Variants in CNTN5 observed in about 807,000 individuals in gnomAD.
CNTN5 encodes the protein contactin-5.
CNTN5 carries 77 observed loss-of-function variants against 129.1 expected under a neutral mutation model. The ratio of observed to expected loss-of-function variants is 0.60; its 90% CI spans 0.50 to 0.72. The LOEUF (loss-of-function observed/expected upper bound fraction) is 0.72, where lower values mean the gene tolerates loss of function less well. CNTN5 is among the 30% of genes least tolerant of loss of function. The pLI is 0.00. For missense variants in CNTN5, 1,478 were observed against 1,328.8 expected, an observed-to-expected ratio of 1.11 and a Z score of -1.75; for synonymous variants, 509 against 465.6, an observed-to-expected ratio of 1.09 and a Z score of -1.20.
chr11:99,898,329 A>G (rs1446320726), intron 6 of CNTN5, among the ~76,000 whole-genome samples: 2 of 152,050 alleles, frequency 1.3e-5, no homozygotes, highest in Admixed American at 6.6e-5. Flanking sequence ...AGCCTAAGGA[A>G]AAAAAAGAGA....
At chr11:99,272,741 A>G (rs926961289) in intron 1 of CNTN5, among the ~76,000 whole-genome samples, 1 of 151,780 alleles carries the variant, frequency 6.6e-6, no homozygotes, top group African/African-American at 2.4e-5. Context: ...ACAAACATAC[A>G]CCATTCCAGT....
chr11:99,466,071 G>A (rs1239182625), intron 2 of CNTN5, among the ~76,000 whole-genome samples: 4 of 151,714 alleles, frequency 2.6e-5, no homozygotes, highest in Non-Finnish European at 4.4e-5. Flanking sequence ...TTTAGTAGAG[G>A]TGGGGTTTCA....
At chr11:100,342,466 G>A (rs537334491) in intron 23 of CNTN5, among the ~76,000 whole-genome samples, 13 of 152,206 alleles carry the variant, frequency 8.5e-5, no homozygotes, top group East Asian at 3.9e-4. Flanking sequence ...CCAGATAAAC[G>A]TGTATGGTCA....
chr11:99,313,632 A>G (rs1865210354), intron 1 of CNTN5, among the ~76,000 whole-genome samples: 1 of 152,094 alleles, frequency 6.6e-6, no homozygotes, highest in Admixed American at 6.6e-5. Flanking sequence ...TTTATCTCAA[A>G]GTGTACATTT....
chr11:99,791,087 C>G (rs912617166), intron 3 of CNTN5, among the ~76,000 whole-genome samples: 18 of 147,444 alleles, frequency 1.2e-4, no homozygotes, highest in African/African-American at 4.2e-4. Context: ...TTCTCCCATT[C>G]TCTGTGTTGT....
At chr11:99,205,490 G>C (rs1168062886) in intron 1 of CNTN5, among the ~76,000 whole-genome samples, 1 of 152,062 alleles carries the variant, frequency 6.6e-6, no homozygotes, top group East Asian at 1.9e-4. Context: ...TGTTTTACTG[G>C]ATCACCGTCT....
intron 2 of CNTN5, among the ~76,000 whole-genome samples, chr11:99,333,254 G>GA (rs1372072229): frequency 1.3e-5 from 2 of 151,892 alleles, no homozygotes; most frequent in African/African-American, 4.8e-5. Flanking sequence ...TTGAAAATGG[G>GA]AAAAAAAGAA....
At chr11:99,736,669 G>C (rs934411267) in intron 3 of CNTN5, among the ~76,000 whole-genome samples, 2 of 151,998 alleles carry the variant, frequency 1.3e-5, no homozygotes, top group East Asian at 3.9e-4. Context: ...CATAATTATC[G>C]AAGTGTGAAA....
At chr11:99,679,005 A>G (rs143794421) in intron 3 of CNTN5, among the ~76,000 whole-genome samples, 7,277 of 147,332 alleles carry the variant, frequency 0.049, 591 homozygotes, top group African/African-American at 0.17. Flanking sequence ...ATACATATTT[A>G]TTTATATATT....
At chr11:99,906,163 C>G (rs1209459404) in intron 6 of CNTN5, among the ~76,000 whole-genome samples, 1 of 152,114 alleles carries the variant, frequency 6.6e-6, no homozygotes. Context: ...CTAGAACTTC[C>G]AATATCATGT....
At chr11:100,146,216 A>G (rs750083140) in intron 13 of CNTN5, among the ~76,000 whole-genome samples, 30 of 152,122 alleles carry the variant, frequency 2.0e-4, no homozygotes, top group Non-Finnish European at 3.5e-4. Context: ...CTGTATTACA[A>G]TTTTTCTCAT....
intron 1 of CNTN5, among the ~76,000 whole-genome samples, chr11:99,270,153 T>G (rs1863107290): frequency 6.6e-6 from 1 of 151,888 alleles, no homozygotes; most frequent in Non-Finnish European, 1.5e-5. Context: ...TTTATTTCAT[T>G]TTTAACTGAC....
At chr11:99,117,899 ATGT>A (rs979900369) in intron 1 of CNTN5, among the ~76,000 whole-genome samples, 30 of 152,292 alleles carry the variant, frequency 2.0e-4, no homozygotes, top group African/African-American at 6.3e-4. Flanking sequence ...TGGGAAATAA[ATGT>A]TGTTTAAGCC....
In CNTN5 at chr11:99,687,035, T is replaced by C. The variant is rs1591479519; in HGVS notation, c.55+130766T>C. ...AACCACTTAACTCAGGAGATGTAGATATACTGACACTGTCAGTCTACGTGA... is the reference window on the plus strand; with the variant it reads ...AACCACTTAACTCAGGAGATGTAGACATACTGACACTGTCAGTCTACGTGA... On this transcript the variant is annotated intron_variant, in intron 3 of 24. Coordinates refer to ENST00000524871, the MANE Select transcript of CNTN5 (RefSeq NM_014361.4). Among the ~76,000 whole-genome samples, 3 of 152,318 alleles carry C rather than the reference T, an allele frequency of 2.0e-5. No homozygotes were observed. In the South Asian group the frequency reaches 6.2e-4, roughly 32 times the overall value.
At chr11:99,237,542 A>T (rs1861339413) in intron 1 of CNTN5, among the ~76,000 whole-genome samples, 1 of 152,090 alleles carries the variant, frequency 6.6e-6, no homozygotes, top group African/African-American at 2.4e-5. Context: ...TTAGCCTGGC[A>T]TGGTGGCACA....
At chr11:99,434,290 C>T (rs1406488231) in intron 2 of CNTN5, among the ~76,000 whole-genome samples, 1 of 152,062 alleles carries the variant, frequency 6.6e-6, no homozygotes, top group Non-Finnish European at 1.5e-5. Context: ...AGATAATATA[C>T]ATTCTTTTGG....
chr11:100,135,045 TATTAA>T (rs1287995240), intron 13 of CNTN5, among the ~76,000 whole-genome samples: 17 of 152,160 alleles, frequency 1.1e-4, no homozygotes, highest in Non-Finnish European at 7.3e-5. Context: ...AGGGGTTTAT[TATTAA>T]AGTTAATTAT....
intron 2 of CNTN5, among the ~76,000 whole-genome samples, chr11:99,512,957 G>A (rs1399619850): frequency 2.0e-5 from 3 of 152,124 alleles, no homozygotes; most frequent in Admixed American, 6.6e-5. Flanking sequence ...ATTAAGTTTT[G>A]TGAGGAAGAC....
At chr11:99,377,780 A>T (rs1246216443) in intron 2 of CNTN5, among the ~76,000 whole-genome samples, 6 of 91,162 alleles carry the variant, frequency 6.6e-5, no homozygotes, top group Admixed American at 2.3e-4. Context: ...TGTACAGATT[A>T]GTTCCTCACT....
Sources: allele counts gnomAD v4.1 joint callset (sites outside exome capture counted in the v4.1 genomes callset), GRCh38; gene constraint gnomAD v4.1.1; transcripts MANE v1.5; gene names NCBI Gene and HGNC (gene_info 2026-07-23, HGNC 2026-07-21).